The following PMFBP1 variants were observed in gnomAD, a reference collection of about 807,000 sequenced individuals.
The protein encoded by PMFBP1 is polyamine-modulated factor 1-binding protein 1.
Under a neutral mutation model 137.8 loss-of-function variants are expected in PMFBP1, and 131 were observed. That is an observed-to-expected ratio of 0.95 (90% CI 0.82 to 1.10). The LOEUF (loss-of-function observed/expected upper bound fraction) is 1.10, where lower values mean the gene tolerates loss of function less well. PMFBP1 is among the 50% of genes least tolerant of loss of function. PMFBP1 has a pLI of 0.00. For missense variants in PMFBP1, 1,199 were observed against 1,175.4 expected, an observed-to-expected ratio of 1.02 and a Z score of -0.29; for synonymous variants, 490 against 450.4, an observed-to-expected ratio of 1.09 and a Z score of -1.11.
the PMFBP1 span, among the ~76,000 whole-genome samples, chr16:72,203,993 G>T: frequency 1.3e-5 from 2 of 152,290 alleles, no homozygotes; most frequent in East Asian, 3.9e-4. Context: ...GGAGGACCCT[G>T]TCTGCCTCTG....
chr16:72,124,088 C>T lies in PMFBP1; in HGVS notation c.2590-439G>A, dbSNP rs139894276. Among the ~76,000 whole-genome samples the T allele has an allele frequency of 5.9e-4, 90 of 152,262 alleles. 1 individual carries two copies. Among genetic ancestry groups the T allele is most frequent in the African/African-American group, 1.9e-3 (77 of 41,554 alleles). Reference sequence around the variant, plus strand: ...GCAGTGGCATGATCACGGCTCATGGCAGCTTAACCTCCCCCCCGGCTCAAG... The same window carrying T: ...GCAGTGGCATGATCACGGCTCATGGTAGCTTAACCTCCCCCCCGGCTCAAG... On this transcript the variant is annotated intron_variant, in intron 17 of 20. Transcript: ENST00000237353.
chr16:72,125,330 C>T lies in PMFBP1; in HGVS notation c.2329G>A (p.Glu777Lys), dbSNP rs762887180. The T allele has an allele frequency of 1.1e-5, 17 of 1,614,066 alleles. No individual in the cohort carries two copies. In the South Asian group the frequency reaches 1.9e-4, roughly 18 times the overall value. ...TCCTCATAAGCAATGATTTCCTCTT[C>T]CAGCTGAGCTTTCTTCTCTTGGGTC... is the stretch of plus-strand genomic sequence containing the variant. Reference protein sequence around the residue: ...TQTQEKKAQLEEEIIAYEERM... With the variant: ...TQTQEKKAQLKEEIIAYEERM... The change falls in exon 16 of 21, where the codon GAA (glutamate) becomes AAA (lysine). Residue 777 changes from glutamate (E) to lysine (K), a missense_variant. Physicochemically the swap from Glu to Lys is moderately conservative, Grantham distance 56. Coordinates refer to ENST00000237353, the MANE Select transcript of PMFBP1 (RefSeq NM_031293.3).
chr16:72,233,744 C>T, the PMFBP1 span, among the ~76,000 whole-genome samples: 1 of 152,130 alleles, frequency 6.6e-6, no homozygotes, highest in Admixed American at 6.6e-5. Context: ...GTCATTCCCT[C>T]CTTCCCTCAG....
chr16:72,119,221 G>T lies in PMFBP1; in HGVS notation c.*117C>A, dbSNP rs1182178416. The T allele has an allele frequency of 3.4e-6, 4 of 1,189,544 alleles. No homozygotes were observed. Among genetic ancestry groups the T allele is most frequent in the Non-Finnish European group, 4.9e-6 (4 of 810,716 alleles). The allele number at this position is 1,189,544 out of a possible 1,614,324, so 73.7% of individuals were successfully genotyped here. A position where few individuals can be genotyped will look rare whatever the true frequency, so the allele number is the denominator to read the frequency against. ...AAGTTAGTGTCTTGCAAAATAGGCTGGGACCGTGATATACTCCTGTAAGAG... is the reference window on the plus strand; with the variant it reads ...AAGTTAGTGTCTTGCAAAATAGGCTTGGACCGTGATATACTCCTGTAAGAG... On this transcript the variant is annotated 3_prime_UTR_variant, in exon 21 of 21. Coordinates refer to ENST00000237353, the MANE Select transcript of PMFBP1 (RefSeq NM_031293.3).
chr16:72,246,453 A>G, the PMFBP1 span, among the ~76,000 whole-genome samples: 1 of 152,064 alleles, frequency 6.6e-6, no homozygotes, highest in Non-Finnish European at 1.5e-5. Context: ...CAAGGCACAT[A>G]GGTCCTTTGT....
the PMFBP1 span, among the ~76,000 whole-genome samples, chr16:72,209,856 G>A: frequency 1.3e-5 from 2 of 152,216 alleles, no homozygotes; most frequent in African/African-American, 4.8e-5. Context: ...AGATGGAAAG[G>A]CAGCAGGGCA....
chr16:72,180,284 C>G (rs1210150542), upstream of PMFBP1, among the ~76,000 whole-genome samples: 1 of 152,182 alleles, frequency 6.6e-6, no homozygotes, highest in African/African-American at 2.4e-5. Context: ...CTCCACAATC[C>G]TGCTTTTCTG....
At chr16:72,145,353 A>C (rs1163682135) in intron 5 of PMFBP1, among the ~76,000 whole-genome samples, 1 of 152,244 alleles carries the variant, frequency 6.6e-6, no homozygotes, top group Non-Finnish European at 1.5e-5. Flanking sequence ...GACACAGCAT[A>C]CTGGAATCTC....
the PMFBP1 span, among the ~76,000 whole-genome samples, chr16:72,199,648 C>T: frequency 3.1e-3 from 323 of 105,420 alleles, no homozygotes; most frequent in Middle Eastern, 0.017. Context: ...AGCAAGACTC[C>T]GTCTCAAAAA....
the PMFBP1 span, among the ~76,000 whole-genome samples, chr16:72,237,788 C>T: frequency 6.6e-6 from 1 of 152,076 alleles, no homozygotes; most frequent in South Asian, 2.1e-4. Flanking sequence ...CTGATCCTCT[C>T]CCTCCTCTCA....
intron 4 of PMFBP1, 78 bp downstream of exon 4, chr16:72,154,133 C>G: frequency 1.9e-6 from 3 of 1,549,446 alleles, no homozygotes; most frequent in Non-Finnish European, 1.7e-6. Context: ...AGTCCAGCGT[C>G]TGCTTTCTAG....
At chr16:72,136,323 A>T in intron 9 of PMFBP1, 125 bp downstream of exon 9, 1 of 1,084,362 alleles carries the variant, frequency 9.2e-7, no homozygotes, top group Non-Finnish European at 1.3e-6. Context: ...AAGAGCCACC[A>T]TCTCACTGTG....
chr16:72,157,174 A>G (rs7192457), intron 3 of PMFBP1, among the ~76,000 whole-genome samples: 4,790 of 129,692 alleles, frequency 0.037, 260 homozygotes, highest in African/African-American at 0.14. Context: ...ACAGAGCGAG[A>G]CTCCATCTCA....
At chr16:72,151,367 T>G (rs1217997863) in intron 4 of PMFBP1, among the ~76,000 whole-genome samples, 4 of 152,228 alleles carry the variant, frequency 2.6e-5, no homozygotes, top group African/African-American at 9.7e-5. Flanking sequence ...CTGACAGATA[T>G]TTATTGAAAG....
At chr16:72,225,731 AT>A in the PMFBP1 span, among the ~76,000 whole-genome samples, 15 of 140,046 alleles carry the variant, frequency 1.1e-4, no homozygotes, top group East Asian at 1.6e-3. Context: ...AATAATAATA[AT>A]AATAATAATA....
At chr16:72,242,870 T>C in the PMFBP1 span, among the ~76,000 whole-genome samples, 1 of 152,130 alleles carries the variant, frequency 6.6e-6, no homozygotes, top group Non-Finnish European at 1.5e-5. Context: ...ATGTGTGTGT[T>C]TGTGTGCAAA....
chr16:72,228,505 G>C, the PMFBP1 span, among the ~76,000 whole-genome samples: 1 of 152,142 alleles, frequency 6.6e-6, no homozygotes, highest in Non-Finnish European at 1.5e-5. Context: ...CCCGTTTCTA[G>C]GATACCTGGT....
chr16:72,165,138 T>C (rs2043126166), intron 2 of PMFBP1, among the ~76,000 whole-genome samples: 1 of 152,226 alleles, frequency 6.6e-6, no homozygotes, highest in South Asian at 2.1e-4. Context: ...TAATTAAATC[T>C]TCACCACACT....
chr16:72,195,009 G>A, the PMFBP1 span, among the ~76,000 whole-genome samples: 1 of 152,198 alleles, frequency 6.6e-6, no homozygotes, highest in Admixed American at 6.5e-5. Flanking sequence ...GGGATCTGCA[G>A]GTAAATATGT....
Sources: allele counts gnomAD v4.1 joint callset (sites outside exome capture counted in the v4.1 genomes callset), GRCh38; gene constraint gnomAD v4.1.1; transcripts MANE v1.5; gene names NCBI Gene and HGNC (gene_info 2026-07-23, HGNC 2026-07-21).